The following MTDH variants were observed in gnomAD, a reference collection of about 807,000 sequenced individuals.
MTDH encodes the protein metadherin, also known as protein LYRIC.
A neutral mutation model predicts 72.7 loss-of-function variants in MTDH; 34 were observed. That is an observed-to-expected ratio of 0.47 (90% CI 0.36 to 0.62). The LOEUF (loss-of-function observed/expected upper bound fraction) is 0.62, where lower values mean the gene tolerates loss of function less well. Among genes scored for constraint, MTDH ranks in the 20% least tolerant of loss-of-function variants. The pLI is 0.00. For synonymous variants in MTDH, 266 were observed against 268.9 expected, an observed-to-expected ratio of 0.99 and a Z score of 0.10; for missense variants, 677 against 699.4, an observed-to-expected ratio of 0.97 and a Z score of 0.36.
chr8:97,698,796 A>G (rs557173198), intron 6 of MTDH, among the ~76,000 whole-genome samples: 80 of 152,260 alleles, frequency 5.3e-4, no homozygotes, highest in South Asian at 8.3e-4. Context: ...AGAGATTTCT[A>G]TTGTGTTTTA....
rs184441476 is a variant in MTDH, at chr8:97,715,222, G to T, written c.1380+1453G>T. The stretch of plus-strand genomic sequence containing the variant: ...ACCTCACTGTAACCTGCCTCTCCCA[G>T]GTTCAAGTGATTCTCCTGCCTGAGC... On this transcript the variant is annotated intron_variant, in intron 9 of 11. Transcript: ENST00000336273. Among the ~76,000 whole-genome samples the T allele has an allele frequency of 6.3e-3, 963 of 152,080 alleles. 3 individuals are homozygous for T. The highest frequency in any genetic ancestry group is 0.011 in the Non-Finnish European group (727 of 67,988).
At chr8:97,654,958 G>A (rs1811910749) in intron 1 of MTDH, among the ~76,000 whole-genome samples, 1 of 152,010 alleles carries the variant, frequency 6.6e-6, no homozygotes, top group Admixed American at 6.6e-5. Flanking sequence ...TAGGCATGGT[G>A]GTGTGTGCCT....
Position 97,672,514 on chromosome 8 carries a change from T to C in MTDH, c.483+11341T>C, listed in dbSNP as rs544056418. ...GGTAAACAAAGCTACAAAACTGTTTTTCTGTAAAAAAGAATACCATACCAG... is the reference window on the plus strand; with the variant it reads ...GGTAAACAAAGCTACAAAACTGTTTCTCTGTAAAAAAGAATACCATACCAG... On this transcript the variant is annotated intron_variant, in intron 2 of 11. Coordinates refer to ENST00000336273, the MANE Select transcript of MTDH (RefSeq NM_178812.4). Among the ~76,000 whole-genome samples the C allele has an allele frequency of 7.7e-4, 118 of 152,346 alleles. 1 individual carries two copies. The highest frequency in any genetic ancestry group is 5.0e-3 in the South Asian group (24 of 4,832).
chr8:97,707,577 T>C (rs950935006), intron 8 of MTDH, among the ~76,000 whole-genome samples: 1 of 150,808 alleles, frequency 6.6e-6, no homozygotes, highest in African/African-American at 2.5e-5. Context: ...CTGCACAGTC[T>C]TTATTAAAAA....
At chr8:97,680,018 A>G (rs1253645416) in intron 2 of MTDH, among the ~76,000 whole-genome samples, 2 of 152,140 alleles carry the variant, frequency 1.3e-5, no homozygotes, top group East Asian at 1.9e-4. Context: ...GCAGTTTTAG[A>G]AAGTTGTAAT....
Position 97,644,839 on chromosome 8 carries a change from C to T in MTDH, c.333C>T (p.Ser111=). The change falls in exon 1 of 12, where the codon AGC becomes AGT. Residue 111 remains serine, a synonymous_variant. Coordinates refer to ENST00000336273, the MANE Select transcript of MTDH (RefSeq NM_178812.4). The stretch of plus-strand genomic sequence containing the variant: ...TGGCCTTGCTGAAGAATCTCCGGAG[C>T]GAGGAACAGAAGAAGAAGAACCGGA... The part of the protein sequence containing the change: ...DDLALLKNLR[S]EEQKKKNRKK... 1 of 1,577,114 alleles carries T rather than the reference C, an allele frequency of 6.3e-7. No individual in the cohort carries two copies. Among genetic ancestry groups the T allele is most frequent in the South Asian group, 1.1e-5 (1 of 87,514 alleles).
intron 1 of MTDH, among the ~76,000 whole-genome samples, chr8:97,656,910 A>G (rs994340886): frequency 3.3e-5 from 5 of 151,696 alleles, no homozygotes; most frequent in African/African-American, 9.7e-5. Flanking sequence ...TGAACCTGGG[A>G]GGTGGAGGCT....
chr8:97,647,407 T>A (rs963614644), intron 1 of MTDH, among the ~76,000 whole-genome samples: 4 of 152,026 alleles, frequency 2.6e-5, no homozygotes, highest in South Asian at 2.1e-4. Context: ...ACAAAAAATT[T>A]AAAAAATTAG....
chr8:97,668,038 A>T (rs1006745422), intron 2 of MTDH, among the ~76,000 whole-genome samples: 15 of 152,170 alleles, frequency 9.9e-5, no homozygotes, highest in African/African-American at 3.6e-4. Context: ...CTGTAATCCC[A>T]GCACTTTGGG....
intron 6 of MTDH, among the ~76,000 whole-genome samples, chr8:97,694,572 C>T (rs1380471517): frequency 6.6e-6 from 1 of 152,154 alleles, no homozygotes; most frequent in East Asian, 1.9e-4. Context: ...GCTTGCTCTC[C>T]CTTCCTCCCC....
At chr8:97,651,731 C>G (rs530401342) in intron 1 of MTDH, among the ~76,000 whole-genome samples, 2 of 152,322 alleles carry the variant, frequency 1.3e-5, no homozygotes, top group East Asian at 3.9e-4. Flanking sequence ...GTTCTGTCAT[C>G]TCCAGAACCT....
chr8:97,728,931 A>G lies in MTDH; in HGVS notation c.*4261A>G, dbSNP rs1401783929. Among the ~76,000 whole-genome samples the G allele has an allele frequency of 7.0e-6, 1 of 142,900 alleles. No individual in the cohort carries two copies. The allele number at this position is 142,900 out of a possible 152,430, so 93.7% of individuals were successfully genotyped here. On this transcript the variant is annotated 3_prime_UTR_variant, in exon 12 of 12. Coordinates refer to ENST00000336273, the MANE Select transcript of MTDH (RefSeq NM_178812.4). The stretch of plus-strand genomic sequence containing the variant: ...AGCTTTTTTTTTTTTTCTTTTAATG[A>G]GATAGGGTCTCACTCTGTTGCCCAG...
chr8:97,667,831 TA>T lies in MTDH; in HGVS notation c.483+6677del, dbSNP rs542822923. On this transcript the variant is annotated intron_variant, in intron 2 of 11. Coordinates refer to ENST00000336273, the MANE Select transcript of MTDH (RefSeq NM_178812.4). ...ACATAGCGAGACCCTGTCTCTATAT[TA>T]AAAAAAAAAAAAAAAAAAGGAAGAA... 6.0e-3 allele frequency among the ~76,000 whole-genome samples: 702 copies of T among 116,266 alleles called. 4 individuals are homozygous for T. The highest frequency in any genetic ancestry group is 0.014 in the Middle Eastern group (3 of 208). 76.3% of individuals were successfully genotyped at this position (116,266 alleles called of 152,430 possible).
chr8:97,677,851 A>G (rs1812918313), intron 2 of MTDH, among the ~76,000 whole-genome samples: 1 of 152,154 alleles, frequency 6.6e-6, no homozygotes, highest in Non-Finnish European at 1.5e-5. Flanking sequence ...AATTTTACTG[A>G]ATTTAATTAT....
intron 2 of MTDH, among the ~76,000 whole-genome samples, chr8:97,685,688 A>T (rs1813331413): frequency 6.6e-6 from 1 of 151,444 alleles, no homozygotes. Flanking sequence ...TGAACCCAGG[A>T]GGTGGAAGTT....
intron 1 of MTDH, among the ~76,000 whole-genome samples, chr8:97,655,637 G>A (rs1258995217): frequency 6.6e-6 from 1 of 152,178 alleles, no homozygotes; most frequent in Non-Finnish European, 1.5e-5. Context: ...AAGGGCATAG[G>A]CCATCATAGC....
At chr8:97,657,153 T>G (rs1812010818) in intron 1 of MTDH, among the ~76,000 whole-genome samples, 1 of 152,128 alleles carries the variant, frequency 6.6e-6, no homozygotes, top group Non-Finnish European at 1.5e-5. Flanking sequence ...TGTGCATGCA[T>G]TTTAAAAAAA....
At chr8:97,691,324 C>T in intron 6 of MTDH, 136 bp downstream of exon 6, 1 of 584,040 alleles carries the variant, frequency 1.7e-6, no homozygotes, top group South Asian at 3.1e-5. Flanking sequence ...ATAATTAACT[C>T]ATCTCACATC....
chr8:97,700,126 G>A (rs1814046621), intron 7 of MTDH, among the ~76,000 whole-genome samples: 1 of 152,028 alleles, frequency 6.6e-6, no homozygotes, highest in Non-Finnish European at 1.5e-5. Flanking sequence ...TTAAATGAAT[G>A]TCTGTTTCTC....
Sources: gnomAD v4.1 joint callset for allele counts (sites outside exome capture counted in the v4.1 genomes callset) on GRCh38, gnomAD v4.1.1 for gene constraint, MANE v1.5 for transcripts, NCBI Gene and HGNC (gene_info 2026-07-23, HGNC 2026-07-21) for gene names.